RBFOX1: variants seen among roughly 807,000 people sequenced by gnomAD.
RBFOX1 encodes RNA binding protein fox-1 homolog 1.
RBFOX1 carries 8 observed loss-of-function variants against 57.7 expected under a neutral mutation model. The observed-to-expected ratio is 0.14, with a 90% CI of 0.08 to 0.25. The LOEUF is 0.25. Ranked by LOEUF, RBFOX1 falls within the 10% of genes least tolerant of loss-of-function variation. The pLI is 1.00. For missense variants in RBFOX1, 611 were observed against 548.5 expected (o/e 1.11, Z -1.14); for synonymous variants, 326 against 222.4 (o/e 1.47, Z -4.15).
intron 4 of RBFOX1, among the ~76,000 whole-genome samples, chr16:7,474,743 CG>C (rs1205941055): frequency 6.6e-6 from 1 of 152,132 alleles, no homozygotes; most frequent in African/African-American, 2.4e-5. Flanking sequence ...TGGGCATAAT[CG>C]TAGAACTGGA....
chr16:6,421,635 C>T (rs1459394968), intron 2 of RBFOX1, among the ~76,000 whole-genome samples: 1 of 152,136 alleles, frequency 6.6e-6, no homozygotes, highest in Non-Finnish European at 1.5e-5. Context: ...CTAGCGTCAC[C>T]ACGAATGACA....
At chr16:5,334,313 G>A (rs758850175) in intron 1 of RBFOX1, among the ~76,000 whole-genome samples, 1 of 152,158 alleles carries the variant, frequency 6.6e-6, no homozygotes. Context: ...TGGTCATGCC[G>A]ATGTTAGCCA....
intron 3 of RBFOX1, among the ~76,000 whole-genome samples, chr16:6,918,425 G>C (rs2073739682): frequency 6.6e-6 from 1 of 152,108 alleles, no homozygotes; most frequent in South Asian, 2.1e-4. Flanking sequence ...TTGAACTGTA[G>C]CTATAGGAAG....
intron 2 of RBFOX1, among the ~76,000 whole-genome samples, chr16:6,610,766 A>G (rs2098036344): frequency 6.6e-6 from 1 of 152,216 alleles, no homozygotes; most frequent in South Asian, 2.1e-4. Flanking sequence ...TAACATCACC[A>G]ACAAAATGTC....
intron 4 of RBFOX1, among the ~76,000 whole-genome samples, chr16:7,206,458 A>AT (rs975865316): frequency 6.6e-6 from 1 of 150,766 alleles, no homozygotes; most frequent in African/African-American, 2.4e-5. Flanking sequence ...TTATTAATAT[A>AT]TATAATATGC....
At chr16:7,449,019 T>A (rs1842241301) in intron 4 of RBFOX1, among the ~76,000 whole-genome samples, 1 of 124,624 alleles carries the variant, frequency 8.0e-6, no homozygotes, top group African/African-American at 3.1e-5. Flanking sequence ...AACCTCCACC[T>A]CCCGGGTTCA....
At chr16:6,370,088 G>C (rs564058980) in intron 2 of RBFOX1, among the ~76,000 whole-genome samples, 4 of 152,252 alleles carry the variant, frequency 2.6e-5, no homozygotes, top group African/African-American at 7.2e-5. Flanking sequence ...GCCGGGTGCG[G>C]TGGCTTATGC....
Position 5,400,791 on chromosome 16 carries a change from C to T in RBFOX1, c.220-66425C>T, listed in dbSNP as rs182688346. Among the ~76,000 whole-genome samples the T allele has an allele frequency of 2.7e-3, 411 of 152,194 alleles. 4 individuals are homozygous for T. The highest frequency in any genetic ancestry group is 8.5e-3 in the African/African-American group (355 of 41,536). ...CCCTGCCTCCCTTTTCTTCCCCACC[C>T]CCAACAGGTCTTTTTAAAAAAATGT... is the stretch of plus-strand genomic sequence containing the variant. On this transcript the variant is annotated intron_variant, in intron 1 of 2. Transcript: ENST00000585867.
intron 1 of RBFOX1, among the ~76,000 whole-genome samples, chr16:6,222,684 T>TTTA (rs57108959): frequency 0.32 from 45,470 of 140,966 alleles, 8,044 homozygotes; most frequent in Admixed American, 0.4. Flanking sequence ...TTTCTTTTCT[T>TTTA]TTATTATTAT....
At chr16:6,520,064 C>T (rs1003046776) in intron 2 of RBFOX1, among the ~76,000 whole-genome samples, 1 of 152,118 alleles carries the variant, frequency 6.6e-6, no homozygotes, top group Non-Finnish European at 1.5e-5. Context: ...GCTAAGGTTT[C>T]TTATTTCGTG....
chr16:6,803,510 A>C (rs2085988657), intron 3 of RBFOX1, among the ~76,000 whole-genome samples: 1 of 152,202 alleles, frequency 6.6e-6, no homozygotes, highest in Non-Finnish European at 1.5e-5. Context: ...ATCTGTGTAT[A>C]ATCTAGATTT....
intron 4 of RBFOX1, among the ~76,000 whole-genome samples, chr16:5,907,790 G>A (rs187019133): frequency 6.6e-6 from 1 of 151,348 alleles, no homozygotes; most frequent in East Asian, 1.9e-4. Flanking sequence ...TTTCTCTATT[G>A]CCCAGGCTGG....
At chr16:6,126,934 GA>G (rs536743974) in intron 1 of RBFOX1, among the ~76,000 whole-genome samples, 2 of 152,180 alleles carry the variant, frequency 1.3e-5, no homozygotes, top group South Asian at 2.1e-4. Context: ...CAGGTACTAG[GA>G]AAAAAATCAA....
chr16:5,526,684 G>A (rs2044260672), intron 2 of RBFOX1, among the ~76,000 whole-genome samples: 1 of 152,180 alleles, frequency 6.6e-6, no homozygotes. Flanking sequence ...GGTCTGTTAT[G>A]TTGCAGAGTT....
At chr16:5,487,617 A>G (rs2042672730) in intron 2 of RBFOX1, among the ~76,000 whole-genome samples, 1 of 152,210 alleles carries the variant, frequency 6.6e-6, no homozygotes, top group Non-Finnish European at 1.5e-5. Context: ...TATCCCTGGG[A>G]TGCTTTAATG....
At chr16:6,681,414 T>C (rs372391768) in intron 3 of RBFOX1, among the ~76,000 whole-genome samples, 4 of 152,238 alleles carry the variant, frequency 2.6e-5, no homozygotes, top group East Asian at 3.8e-4. Context: ...TTTTTATCAA[T>C]TGGTAATATT....
intron 3 of RBFOX1, among the ~76,000 whole-genome samples, chr16:6,776,794 C>A (rs915635028): frequency 1.3e-5 from 2 of 152,224 alleles, no homozygotes; most frequent in African/African-American, 4.8e-5. Context: ...AAATCTGATA[C>A]TGTAACAAGT....
At chr16:6,407,834 C>A (rs532787896) in intron 2 of RBFOX1, among the ~76,000 whole-genome samples, 1 of 152,146 alleles carries the variant, frequency 6.6e-6, no homozygotes, top group South Asian at 2.1e-4. Context: ...ATACATGGAC[C>A]GTAGGTGTGG....
chr16:6,523,847 C>G (rs946176442), intron 2 of RBFOX1, among the ~76,000 whole-genome samples: 1 of 152,070 alleles, frequency 6.6e-6, no homozygotes, highest in Non-Finnish European at 1.5e-5. Flanking sequence ...ATGTGCCTTG[C>G]TACCACAGTT....
Sources: allele counts gnomAD v4.1 joint callset (sites outside exome capture counted in the v4.1 genomes callset), GRCh38; gene constraint gnomAD v4.1.1; transcripts MANE v1.5; gene names NCBI Gene and HGNC (gene_info 2026-07-23, HGNC 2026-07-21).